NXPE4: variants seen among roughly 807,000 people sequenced by gnomAD.
The protein encoded by NXPE4 is NXPE family member 4.
NXPE4 carries 42 observed loss-of-function variants against 33.3 expected under a neutral mutation model. That is an observed-to-expected ratio of 1.26 (90% CI 0.98 to 1.63). The LOEUF (loss-of-function observed/expected upper bound fraction) is 1.63. NXPE4 is among the 40% of genes most tolerant of loss of function. NXPE4 has a pLI of 0.00. For synonymous variants in NXPE4, 253 were observed against 234.9 expected, an observed-to-expected ratio of 1.08 and a Z score of -0.71; for missense variants, 709 against 647.6, an observed-to-expected ratio of 1.09 and a Z score of -1.03.
intron 2 of NXPE4, among the ~76,000 whole-genome samples, chr11:114,584,846 A>C (rs1949252739): frequency 6.6e-6 from 1 of 152,178 alleles, no homozygotes; most frequent in African/African-American, 2.4e-5. Flanking sequence ...TAAGACCCTG[A>C]GCCCAGGGCA....
chr11:114,617,204 A>G, the NXPE4 span, among the ~76,000 whole-genome samples: 1 of 151,996 alleles, frequency 6.6e-6, no homozygotes, highest in African/African-American at 2.4e-5. Context: ...GTTGGTAACC[A>G]CTGTTACGCA....
At chr11:114,580,069 C>T (rs1949099786) in intron 5 of NXPE4, 63 bp downstream of exon 5, 2 of 1,345,472 alleles carry the variant, frequency 1.5e-6, no homozygotes, top group Admixed American at 3.4e-5. Flanking sequence ...TTCCCTTCTC[C>T]CCTTTGAAAT....
At chr11:114,676,658 G>A in the NXPE4 span, among the ~76,000 whole-genome samples, 2 of 151,960 alleles carry the variant, frequency 1.3e-5, no homozygotes, top group South Asian at 4.1e-4. Flanking sequence ...CTTTTGATGG[G>A]AATGTAAATT....
rs114383863 is a variant in NXPE4, at chr11:114,583,361, G to A, written c.97-340C>T. 1.9e-3 allele frequency: 1,209 copies of A among 621,908 alleles called. 18 individuals carry two copies. Among genetic ancestry groups the A allele is most frequent in the African/African-American group, 0.018 (982 of 55,094 alleles). The allele number at this position is 621,908 out of a possible 1,614,324, so 38.5% of individuals were successfully genotyped here. ...CCCAAGGAATCCTCACTGAATCTGC[G>A]TGACTCATAATTTGCTGCTCAACTA... is the stretch of plus-strand genomic sequence containing the variant. On this transcript the variant is annotated intron_variant, in intron 2 of 5. Transcript: ENST00000375478.
rs1949151291 is a variant in NXPE4 at position 114,581,745 on chromosome 11, A to T, written c.872T>A (p.Ile291Asn). Residue 291 changes from isoleucine (I) to asparagine (N), a missense_variant, in exon 4 of 6, where the codon ATT (isoleucine) becomes AAT (asparagine). By Grantham distance (149) the Ile-to-Asn change is moderately radical. Transcript: ENST00000375478. ...CTTACTGTTGCATTTGGAGACACTA[A>T]TTGTATTGAATTTTTCCATAATCTC... Reference protein sequence around the residue: ...GVEIMEKFNTISVSKCNKETV... With the variant: ...GVEIMEKFNTNSVSKCNKETV... 2 of 1,612,058 alleles carry T rather than the reference A, an allele frequency of 1.2e-6. No homozygotes were observed. Among genetic ancestry groups the T allele is most frequent in the Non-Finnish European group, 1.7e-6 (2 of 1,178,946 alleles).
chr11:114,671,525 C>A, the NXPE4 span, among the ~76,000 whole-genome samples: 1 of 151,966 alleles, frequency 6.6e-6, no homozygotes, highest in African/African-American at 2.4e-5. Context: ...AATTAGAAAT[C>A]TGGAAAGCAG....
chr11:114,657,396 A>G, the NXPE4 span, among the ~76,000 whole-genome samples: 7 of 152,192 alleles, frequency 4.6e-5, no homozygotes, highest in Non-Finnish European at 7.4e-5. Flanking sequence ...CATTTTCTCT[A>G]ATTTGAATGT....
upstream of NXPE4, among the ~76,000 whole-genome samples, chr11:114,598,633 C>T (rs1949604894): frequency 6.6e-6 from 1 of 152,224 alleles, no homozygotes; most frequent in Non-Finnish European, 1.5e-5. Context: ...GGCTTGCACT[C>T]TCTAAAGCAA....
intron 2 of NXPE4, among the ~76,000 whole-genome samples, chr11:114,592,371 A>T (rs973078382): frequency 6.6e-6 from 1 of 152,156 alleles, no homozygotes; most frequent in Non-Finnish European, 1.5e-5. Context: ...ACATTTCTAT[A>T]CACCAATACC....
At chr11:114,594,632 T>G in intron 2 of NXPE4, 32 bp downstream of exon 2, 2 of 1,397,970 alleles carry the variant, frequency 1.4e-6, no homozygotes, top group Non-Finnish European at 2.0e-6. Context: ...AAAATAAGCT[T>G]CTGTAAACCA....
rs1948882064 is a variant in NXPE4, at chr11:114,571,390, A to C, written c.1183T>G (p.Trp395Gly). The change falls in exon 6 of 6, where the codon TGG becomes GGG. Residue 395 changes from tryptophan to glycine, a missense_variant. Trp to Gly is a radical substitution (Grantham distance 184). Transcript: ENST00000375478. ...VDLDRNINIQWQKYCYPLIGS... is the reference protein window; with the variant it reads ...VDLDRNINIQGQKYCYPLIGS... ...ATCAAGGGATAACAATATTTTTGCC[A>C]CTGGATGTTGATGTTCCTATCCAAA... The C allele has an allele frequency of 4.3e-6, 7 of 1,613,916 alleles. No homozygotes were observed. Among genetic ancestry groups the C allele is most frequent in the Non-Finnish European group, 5.9e-6 (7 of 1,179,884 alleles).
the NXPE4 span, among the ~76,000 whole-genome samples, chr11:114,632,995 A>C: frequency 9.5e-6 from 1 of 104,830 alleles, no homozygotes; most frequent in Non-Finnish European, 1.7e-5. Flanking sequence ...TTTATATAAT[A>C]TATAATAATA....
chr11:114,572,090 C>T (rs1948902806), intron 5 of NXPE4, among the ~76,000 whole-genome samples: 1 of 152,168 alleles, frequency 6.6e-6, no homozygotes, highest in South Asian at 2.1e-4. Context: ...TCTTTGCAGA[C>T]ACTCTCCAGT....
At chr11:114,617,685 A>T in the NXPE4 span, among the ~76,000 whole-genome samples, 78,760 of 147,352 alleles carry the variant, frequency 0.53, 21,268 homozygotes, top group African/African-American at 0.66. Flanking sequence ...CGGTGGATAA[A>T]AAGTACTGCC....
the NXPE4 span, among the ~76,000 whole-genome samples, chr11:114,624,683 A>T: frequency 2.0e-5 from 3 of 152,058 alleles, no homozygotes; most frequent in Admixed American, 2.0e-4. Flanking sequence ...GGTGGAAAAT[A>T]AGTATTGCCT....
chr11:114,579,372 C>A (rs2135213285), intron 5 of NXPE4, among the ~76,000 whole-genome samples: 1 of 152,278 alleles, frequency 6.6e-6, no homozygotes, highest in African/African-American at 2.4e-5. Flanking sequence ...TTGGAGGGGA[C>A]AATCAGTCAA....
At chr11:114,573,431 T>A (rs1948934004) in intron 5 of NXPE4, among the ~76,000 whole-genome samples, 1 of 151,724 alleles carries the variant, frequency 6.6e-6, no homozygotes, top group Non-Finnish European at 1.5e-5. Context: ...TGGGTAAGAA[T>A]TCACCAGCCA....
intron 2 of NXPE4, among the ~76,000 whole-genome samples, chr11:114,589,450 C>T (rs574392669): frequency 6.6e-6 from 1 of 152,234 alleles, no homozygotes; most frequent in East Asian, 1.9e-4. Context: ...CTCATAAACA[C>T]TCTGATATGT....
At chr11:114,579,754 AG>A (rs1383504345) in intron 5 of NXPE4, among the ~76,000 whole-genome samples, 1 of 152,226 alleles carries the variant, frequency 6.6e-6, no homozygotes, top group African/African-American at 2.4e-5. Flanking sequence ...GAGGTAGAGA[AG>A]TCAGGTTTTG....
Sources: gnomAD v4.1 joint callset for allele counts (sites outside exome capture counted in the v4.1 genomes callset) on GRCh38, gnomAD v4.1.1 for gene constraint, MANE v1.5 for transcripts, NCBI Gene and HGNC (gene_info 2026-07-23, HGNC 2026-07-21) for gene names.